The following ANO10 variants were observed in gnomAD, a reference collection of about 807,000 sequenced individuals.
The protein encoded by ANO10 is anoctamin 10.
A neutral mutation model predicts 74.7 loss-of-function variants in ANO10; 77 were observed. That is an observed-to-expected ratio of 1.03 (90% CI 0.86 to 1.25). The LOEUF (loss-of-function observed/expected upper bound fraction) is 1.25. Among genes scored for constraint, ANO10 ranks in the 50% most tolerant of loss-of-function variants. The pLI is 0.00. For synonymous variants in ANO10, 279 were observed against 284.9 expected (o/e 0.98, Z 0.21); for missense variants, 721 against 778.1 (o/e 0.93, Z 0.87).
chr3:43,637,039 G>A, intron 1 of ANO10, among the ~76,000 whole-genome samples: 1 of 152,172 alleles, frequency 6.6e-6, no homozygotes, highest in Middle Eastern at 3.2e-3. Context: ...ACGTGGTGGT[G>A]CATGCCTGCA....
intron 4 of ANO10, among the ~76,000 whole-genome samples, chr3:43,595,042 A>C (rs549216849): frequency 1.3e-5 from 2 of 152,208 alleles, no homozygotes; most frequent in African/African-American, 4.8e-5. Context: ...GGACACATAC[A>C]CCCTCCCAAG....
At chr3:43,645,366 G>A (rs1460739933) in intron 1 of ANO10, among the ~76,000 whole-genome samples, 1 of 152,000 alleles carries the variant, frequency 6.6e-6, no homozygotes, top group African/African-American at 2.4e-5. Flanking sequence ...GTAGGTGCCT[G>A]TAATCCCAGC....
chr3:43,375,766 C>A (rs867660200), intron 12 of ANO10, among the ~76,000 whole-genome samples: 31 of 151,302 alleles, frequency 2.0e-4, no homozygotes, highest in South Asian at 8.4e-4. Flanking sequence ...TTTATTCCCC[C>A]CTTGTCCATG....
rs141437081 is a variant in ANO10 at position 43,665,533 on chromosome 3, A to G, written c.-12+25984T>C. 5.4e-3 allele frequency among the ~76,000 whole-genome samples: 815 copies of G among 152,294 alleles called. 15 individuals carry two copies. The highest frequency in any genetic ancestry group is 0.015 in the Admixed American group (224 of 15,294). On this transcript the variant is annotated intron_variant, in intron 1 of 3. Coordinates refer to the ANO10 transcript ENST00000413397. ...AACTTAACATATATAATTTAAAAAA[A>G]AGAGAAAAATCTTGGTCATCTAGCA...
intron 2 of ANO10, among the ~76,000 whole-genome samples, chr3:43,605,211 G>GT (rs1309042523): frequency 2.6e-5 from 4 of 152,138 alleles, no homozygotes; most frequent in African/African-American, 9.7e-5. Flanking sequence ...TCCTTTTACA[G>GT]TAAGTATACA....
At chr3:43,551,908 T>C (rs1189983392) in intron 10 of ANO10, among the ~76,000 whole-genome samples, 6 of 152,228 alleles carry the variant, frequency 3.9e-5, no homozygotes, top group African/African-American at 1.4e-4. Flanking sequence ...AATTGTTGTT[T>C]GACCATTTAC....
At chr3:43,413,741 C>T (rs553983037) in intron 12 of ANO10, among the ~76,000 whole-genome samples, 14 of 150,658 alleles carry the variant, frequency 9.3e-5, no homozygotes, top group South Asian at 2.1e-4. Context: ...AGCGGCAGAC[C>T]GTTTTCTTCA....
At chr3:43,422,190 C>T (rs956082974) in intron 12 of ANO10, among the ~76,000 whole-genome samples, 16 of 152,140 alleles carry the variant, frequency 1.1e-4, no homozygotes, top group Non-Finnish European at 2.2e-4. Flanking sequence ...GATCTCAGCT[C>T]ATTGCAACCT....
At chr3:43,626,624 A>G (rs1361274993), upstream of ANO10, among the ~76,000 whole-genome samples, 1 of 152,146 alleles carries the variant, frequency 6.6e-6, no homozygotes, top group Non-Finnish European at 1.5e-5. Context: ...TTAAAATTTG[A>G]CCAATCAGGA....
At chr3:43,509,916 G>A (rs949386106) in intron 11 of ANO10, among the ~76,000 whole-genome samples, 4 of 152,126 alleles carry the variant, frequency 2.6e-5, no homozygotes, top group Non-Finnish European at 4.4e-5. Context: ...AATCTCCAGG[G>A]AACTGTGCTG....
intron 12 of ANO10, among the ~76,000 whole-genome samples, chr3:43,367,765 T>TA (rs60969385): frequency 0.026 from 3,922 of 152,272 alleles, 173 homozygotes; most frequent in African/African-American, 0.087. Flanking sequence ...AAAACACCAC[T>TA]ACAGCTCTGC....
chr3:43,554,741 T>C (rs1475913028), intron 10 of ANO10, among the ~76,000 whole-genome samples: 1 of 152,160 alleles, frequency 6.6e-6, no homozygotes. Flanking sequence ...AGACCTCTAC[T>C]GATTCTTCCT....
chr3:43,401,075 T>C (rs1254651968), intron 12 of ANO10, among the ~76,000 whole-genome samples: 1 of 152,248 alleles, frequency 6.6e-6, no homozygotes, highest in Admixed American at 6.5e-5. Context: ...TTGGTAGTAG[T>C]ACATTTTTAA....
chr3:43,428,359 C>A (rs556630283), intron 12 of ANO10, among the ~76,000 whole-genome samples: 2 of 152,096 alleles, frequency 1.3e-5, no homozygotes, highest in East Asian at 1.9e-4. Flanking sequence ...CAACCCTGAA[C>A]CTTTAATTCT....
intron 1 of ANO10, chr3:43,690,767 G>A (rs2084351128): frequency 4.6e-6 from 2 of 434,084 alleles, no homozygotes; most frequent in East Asian, 3.7e-5. Flanking sequence ...ACACCCGGGA[G>A]CGTCGGGCGG....
chr3:43,447,212 A>G (rs1014740711), intron 11 of ANO10, among the ~76,000 whole-genome samples: 1 of 152,234 alleles, frequency 6.6e-6, no homozygotes, highest in Non-Finnish European at 1.5e-5. Context: ...ATATTTGTGG[A>G]ATACATTCCC....
At chr3:43,505,607 A>G (rs2077265926) in intron 11 of ANO10, among the ~76,000 whole-genome samples, 1 of 152,240 alleles carries the variant, frequency 6.6e-6, no homozygotes, top group South Asian at 2.1e-4. Flanking sequence ...TGCTCTTTCC[A>G]GTAAGTCATC....
At chr3:43,512,599 G>C (rs2077552891) in intron 11 of ANO10, among the ~76,000 whole-genome samples, 4 of 152,088 alleles carry the variant, frequency 2.6e-5, no homozygotes, top group Admixed American at 2.6e-4. Context: ...CAAGAATCTT[G>C]GACTAGAGGT....
At chr3:43,587,630 A>G (rs2081538817) in intron 4 of ANO10, among the ~76,000 whole-genome samples, 1 of 152,228 alleles carries the variant, frequency 6.6e-6, no homozygotes, top group Non-Finnish European at 1.5e-5. Context: ...GGAAGTGTCT[A>G]GAAAAGTAAT....
Sources: gnomAD v4.1 joint callset for allele counts (sites outside exome capture counted in the v4.1 genomes callset) on GRCh38, gnomAD v4.1.1 for gene constraint, MANE v1.5 for transcripts, NCBI Gene and HGNC (gene_info 2026-07-23, HGNC 2026-07-21) for gene names.